CACNA1H: variants seen among roughly 807,000 people sequenced by gnomAD.
The protein encoded by CACNA1H is voltage-dependent T-type calcium channel subunit alpha-1H.
Under a neutral mutation model 192.5 loss-of-function variants are expected in CACNA1H, and 149 were observed. That is an observed-to-expected ratio of 0.77 (90% CI 0.68 to 0.89). The LOEUF (loss-of-function observed/expected upper bound fraction) is 0.89, where lower values mean the gene tolerates loss of function less well. CACNA1H is among the 40% of genes least tolerant of loss of function. The probability of loss-of-function intolerance (pLI) is 0.00; values close to 1 mark genes in which losing one functional copy is unlikely to be tolerated. For missense variants in CACNA1H, 4,257 were observed against 3,423.5 expected (o/e 1.24, Z -6.08); for synonymous variants, 2,202 against 1,475.2 (o/e 1.49, Z -11.29).
rs533043911 is a variant in CACNA1H, at chr16:1,215,831, G to A, written c.5244+238G>A. 2.7e-3 allele frequency among the ~76,000 whole-genome samples: 413 copies of A among 152,232 alleles called. 1 individual carries two copies. The highest frequency in any genetic ancestry group is 4.7e-3 in the Non-Finnish European group (320 of 67,996). On this transcript the variant is annotated intron_variant, in intron 30 of 34. Transcript: ENST00000348261. ...GACTCATAACCGGGGCCCCCTCCCC[G>A]GTGCACTTCCAGAGGCGGGGGCCGT...
intron 6 of CACNA1H, 74 bp from the exon 7 acceptor site, chr16:1,200,182 C>G (rs1432330652): frequency 8.0e-7 from 1 of 1,256,470 alleles, no homozygotes; most frequent in Non-Finnish European, 1.1e-6. Flanking sequence ...CGTCCCTGAT[C>G]ACAATCGTGC....
Position 1,212,105 on chromosome 16 carries a change from A to C in CACNA1H, c.4726A>C (p.Lys1576Gln). The C allele has an allele frequency of 6.2e-7, 1 of 1,610,330 alleles. No homozygotes were observed. Reference protein sequence around the residue: ...EAEEARRREEKRLRRLERRRR... With the variant: ...EAEEARRREEQRLRRLERRRR... ...GGAGGAGGCGCGGCGGCGAGAGGAG[A>C]AGCGGCTGCGGCGCCTAGAGAGGAG... is the stretch of plus-strand genomic sequence containing the variant. The change falls in exon 25 of 35, where the codon AAG becomes CAG. Residue 1576 changes from lysine to glutamine, a missense_variant. Physicochemically the swap from Lys to Gln is moderately conservative, Grantham distance 53. Coordinates refer to ENST00000348261, the MANE Select transcript of CACNA1H (RefSeq NM_021098.3).
intron 2 of CACNA1H, among the ~76,000 whole-genome samples, chr16:1,189,453 G>A (rs71380239): frequency 1.4e-4 from 17 of 119,826 alleles, no homozygotes; most frequent in Admixed American, 6.1e-4. Context: ...GTCTTGCTCC[G>A]TCACCCAGCC....
Position 1,204,253 on chromosome 16 carries a change from C to G in CACNA1H, c.2246C>G (p.Thr749Arg), listed in dbSNP as rs749345577. 6.2e-6 allele frequency: 10 copies of G among 1,609,990 alleles called. No individual in the cohort carries two copies. Among genetic ancestry groups the G allele is most frequent in the Middle Eastern group, 1.6e-4 (1 of 6,066 alleles). ...GACCCCACGCGACCACCCCGTGCGA[C>G]GGACACACCAGGCCCAGGCCCAGGC... is the stretch of plus-strand genomic sequence containing the variant. ...RWDPTRPPRATDTPGPGPGSP... is the reference protein window; with the variant it reads ...RWDPTRPPRARDTPGPGPGSP... The change falls in exon 10 of 35, where the codon ACG becomes AGG. Residue 749 changes from threonine (T) to arginine (R), a missense_variant. Transcript: ENST00000348261.
intron 26 of CACNA1H, 39 bp downstream of exon 26, chr16:1,212,567 G>T (rs747223278): frequency 1.3e-6 from 2 of 1,598,442 alleles, no homozygotes; most frequent in African/African-American, 2.7e-5. Context: ...CCCCGCTTCT[G>T]CGGCCGCTGC....
At chr16:1,188,870 C>T (rs903377103) in intron 2 of CACNA1H, among the ~76,000 whole-genome samples, 2 of 152,228 alleles carry the variant, frequency 1.3e-5, no homozygotes, top group South Asian at 2.1e-4. Flanking sequence ...GGCGAGGCTG[C>T]TGATTCAGCA....
chr16:1,184,358 CAG>C (rs770143311), intron 2 of CACNA1H, among the ~76,000 whole-genome samples: 12 of 152,366 alleles, frequency 7.9e-5, no homozygotes, highest in Admixed American at 2.0e-4. Flanking sequence ...GACCGAGGCT[CAG>C]GGGTGAATGG....
intron 8 of CACNA1H, 148 bp downstream of exon 8, chr16:1,200,956 G>C (rs1967802532): frequency 7.4e-6 from 5 of 674,514 alleles, no homozygotes; most frequent in Non-Finnish European, 1.3e-5. Context: ...TTGCGGGGGT[G>C]GGGAGGTGTG....
At chr16:1,176,279 C>A (rs1214011331) in intron 2 of CACNA1H, among the ~76,000 whole-genome samples, 1 of 152,244 alleles carries the variant, frequency 6.6e-6, no homozygotes, top group Non-Finnish European at 1.5e-5. Context: ...CGGGGCATCT[C>A]ACCCACCACG....
chr16:1,217,059 G>A, intron 31 of CACNA1H, 49 bp downstream of exon 31: 3 of 1,473,336 alleles, frequency 2.0e-6, no homozygotes, highest in Non-Finnish European at 2.8e-6. Context: ...GTCCTGACAG[G>A]CGCCCCTGTG....
intron 2 of CACNA1H, chr16:1,156,960 T>C (rs1962498859): frequency 6.6e-6 from 1 of 152,218 alleles, no homozygotes; most frequent in African/African-American, 2.4e-5. Flanking sequence ...AAAAATATAA[T>C]TGTCTTAGAA....
intron 2 of CACNA1H, among the ~76,000 whole-genome samples, chr16:1,164,825 G>A (rs1325082381): frequency 2.0e-5 from 3 of 152,230 alleles, no homozygotes; most frequent in African/African-American, 7.2e-5. Flanking sequence ...GTGGAGGGCG[G>A]CTGTCCACAG....
intron 2 of CACNA1H, among the ~76,000 whole-genome samples, chr16:1,181,168 G>T (rs543049247): frequency 6.6e-6 from 1 of 152,380 alleles, no homozygotes; most frequent in African/African-American, 2.4e-5. Context: ...TCCCCTCCTG[G>T]CTGGGTTTCT....
chr16:1,208,374 C>T (rs753568908), intron 16 of CACNA1H, among the ~76,000 whole-genome samples, 153 bp downstream of exon 16: 8 of 152,208 alleles, frequency 5.3e-5, no homozygotes, highest in South Asian at 2.1e-4. Context: ...TTCTGGTTTC[C>T]GGAAATGGAA....
intron 2 of CACNA1H, among the ~76,000 whole-genome samples, chr16:1,155,514 G>T (rs1212015572): frequency 6.6e-6 from 1 of 152,196 alleles, no homozygotes; most frequent in Non-Finnish European, 1.5e-5. Flanking sequence ...GACTGCATGG[G>T]TTGGAATGGG....
At chr16:1,212,472 C>T in intron 25 of CACNA1H, 39 bp from the exon 26 acceptor site, 1 of 1,593,154 alleles carries the variant, frequency 6.3e-7, no homozygotes. Context: ...CCGAGTGCGC[C>T]ACGCCCTCGG....
At chr16:1,201,602 C>T (rs1596407459) in intron 8 of CACNA1H, 61 bp from the exon 9 acceptor site, 3 of 1,496,498 alleles carry the variant, frequency 2.0e-6, no homozygotes, top group South Asian at 1.3e-5. Context: ...CACAGTAGGG[C>T]TCAGTGGCGA....
intron 30 of CACNA1H, among the ~76,000 whole-genome samples, chr16:1,215,940 C>A (rs890551120): frequency 6.6e-6 from 1 of 152,032 alleles, no homozygotes; most frequent in African/African-American, 2.4e-5. Flanking sequence ...AGGATGCAGG[C>A]GTCGGCTGCG....
chr16:1,220,825 G>C lies in CACNA1H; in HGVS notation c.6893G>C (p.Gly2298Ala). 1 of 1,612,716 alleles carries C rather than the reference G, an allele frequency of 6.2e-7. No homozygotes were observed. The highest frequency in any genetic ancestry group is 8.5e-7 in the Non-Finnish European group (1 of 1,179,776). ...CCAGAATCCAGAGCTTCCTCTTCAG[G>C]GGCCATAGTGCCCCTGGAACCCCCA... ...VTPESRASSSGAIVPLEPPES... is the reference protein window; with the variant it reads ...VTPESRASSSAAIVPLEPPES... The change falls in exon 35 of 35, where the codon GGG becomes GCG. Residue 2298 changes from glycine (G) to alanine (A), a missense_variant. Coordinates refer to ENST00000348261, the MANE Select transcript of CACNA1H (RefSeq NM_021098.3).
Sources: allele counts gnomAD v4.1 joint callset (sites outside exome capture counted in the v4.1 genomes callset), GRCh38; gene constraint gnomAD v4.1.1; transcripts MANE v1.5; gene names NCBI Gene and HGNC (gene_info 2026-07-23, HGNC 2026-07-21).